The following PTPRM variants were observed in gnomAD, a reference collection of about 807,000 sequenced individuals.
PTPRM encodes the protein protein tyrosine phosphatase receptor type M, also known as receptor-type tyrosine-protein phosphatase mu.
In PTPRM, 47 loss-of-function variants were observed where a neutral mutation model predicts 186.7. That is an observed-to-expected ratio of 0.25 (90% CI 0.20 to 0.32). The LOEUF (loss-of-function observed/expected upper bound fraction) is 0.32. Ranked by LOEUF, PTPRM falls within the 10% of genes least tolerant of loss-of-function variation. PTPRM has a pLI of 1.00. For missense variants in PTPRM, 1,494 were observed against 1,865.0 expected, an observed-to-expected ratio of 0.80 and a Z score of 3.66; for synonymous variants, 668 against 674.9, an observed-to-expected ratio of 0.99 and a Z score of 0.16.
At chr18:8,338,687 C>G (rs1035978280) in intron 22 of PTPRM, among the ~76,000 whole-genome samples, 2 of 152,120 alleles carry the variant, frequency 1.3e-5, no homozygotes, top group African/African-American at 4.8e-5. Flanking sequence ...AAATTTAATG[C>G]AATAGTACAT....
chr18:7,611,298 G>C (rs1251064546), intron 1 of PTPRM, among the ~76,000 whole-genome samples: 1 of 152,136 alleles, frequency 6.6e-6, no homozygotes, highest in African/African-American at 2.4e-5. Context: ...TAGCCTAAGT[G>C]CACAGTGTTT....
At chr18:8,399,352 G>A (rs749018136) in intron 32 of PTPRM, among the ~76,000 whole-genome samples, 56 of 152,298 alleles carry the variant, frequency 3.7e-4, no homozygotes, top group East Asian at 1.5e-3. Flanking sequence ...GGATGGCGAC[G>A]TAGCACCTAG....
intron 14 of PTPRM, among the ~76,000 whole-genome samples, chr18:8,229,524 T>G (rs1235543811): frequency 6.6e-6 from 1 of 152,172 alleles, no homozygotes; most frequent in African/African-American, 2.4e-5. Flanking sequence ...GGATATTGGG[T>G]GTATTTTTTA....
intron 14 of PTPRM, among the ~76,000 whole-genome samples, chr18:8,204,578 AG>A (rs2093900795): frequency 6.6e-6 from 1 of 152,086 alleles, no homozygotes; most frequent in Admixed American, 6.5e-5. Flanking sequence ...AGATGACCCA[AG>A]CTTGACAGCT....
intron 2 of PTPRM, among the ~76,000 whole-genome samples, chr18:7,856,067 C>T (rs1181524042): frequency 3.9e-5 from 6 of 151,918 alleles, no homozygotes; most frequent in African/African-American, 1.4e-4. Context: ...CCAACAAGGA[C>T]TAGACTTTTT....
At chr18:7,852,319 G>A (rs2046900544) in intron 2 of PTPRM, among the ~76,000 whole-genome samples, 1 of 152,156 alleles carries the variant, frequency 6.6e-6, no homozygotes, top group African/African-American at 2.4e-5. Flanking sequence ...GCTCATACTT[G>A]TAATTCCAGT....
In PTPRM at chr18:8,336,551, C is replaced by CA. The variant is rs1409482408; in HGVS notation, c.2957-6864dup. Among the ~76,000 whole-genome samples, 49 of 113,892 alleles carry CA rather than the reference C, an allele frequency of 4.3e-4. 1 individual carries two copies. The highest frequency in any genetic ancestry group is 4.2e-3 in the Admixed American group (42 of 9,990). The allele number at this position is 113,892 out of a possible 152,430, so 74.7% of individuals were successfully genotyped here. On this transcript the variant is annotated intron_variant, in intron 22 of 32. Coordinates refer to ENST00000580170, the MANE Select transcript of PTPRM (RefSeq NM_001105244.2). ...TGGGCGACAGAGCTAGACTCTGTCT[C>CA]AAAAAAAAGAAAGAAAGAGAGACAG...
Position 7,850,421 on chromosome 18 carries a change from C to T in PTPRM, c.197-37685C>T, listed in dbSNP as rs148119262. On this transcript the variant is annotated intron_variant, in intron 2 of 32. Coordinates refer to ENST00000580170, the MANE Select transcript of PTPRM (RefSeq NM_001105244.2). ...TACAAGATAGCAAGAATTTGTGGGG[C>T]CAATATTCCAGGGAGAAGGTAACCC... is the stretch of plus-strand genomic sequence containing the variant. Among the ~76,000 whole-genome samples the T allele has an allele frequency of 1.2e-3, 176 of 152,194 alleles. 1 individual carries two copies. The highest frequency in any genetic ancestry group is 4.1e-3 in the African/African-American group (169 of 41,510).
intron 21 of PTPRM, 59 bp downstream of exon 21, chr18:8,314,916 TATG>T (rs2095297395): frequency 2.6e-6 from 3 of 1,164,460 alleles, no homozygotes; most frequent in South Asian, 2.8e-5. Flanking sequence ...GGGTGCTATG[TATG>T]ATATTTTGAT....
At chr18:8,403,941 A>G (rs921834255) in intron 32 of PTPRM, 6 of 152,230 alleles carry the variant, frequency 3.9e-5, no homozygotes, top group African/African-American at 1.4e-4. Flanking sequence ...CTTTATGGCT[A>G]TACTACATTT....
At chr18:7,694,379 G>A (rs1292088156) in intron 1 of PTPRM, among the ~76,000 whole-genome samples, 1 of 151,606 alleles carries the variant, frequency 6.6e-6, no homozygotes, top group African/African-American at 2.4e-5. Flanking sequence ...ATTTGATTAG[G>A]TGTAGACAGT....
intron 7 of PTPRM, among the ~76,000 whole-genome samples, chr18:8,001,922 C>T (rs1466791790): frequency 1.3e-5 from 2 of 152,214 alleles, no homozygotes; most frequent in African/African-American, 4.8e-5. Context: ...TCAGCACCTG[C>T]TGTGTGTCAT....
intron 22 of PTPRM, among the ~76,000 whole-genome samples, chr18:8,335,657 A>T (rs913903882): frequency 9.2e-5 from 14 of 152,226 alleles, no homozygotes; most frequent in African/African-American, 3.4e-4. Context: ...AAGAAAACTC[A>T]TGAAACTTTC....
At chr18:7,988,241 C>A (rs1302753920) in intron 7 of PTPRM, among the ~76,000 whole-genome samples, 1 of 151,652 alleles carries the variant, frequency 6.6e-6, no homozygotes. Context: ...ACCAAACAAA[C>A]AAAAAAGAAA....
chr18:8,022,138 C>A (rs2085275038), intron 7 of PTPRM, among the ~76,000 whole-genome samples: 1 of 152,150 alleles, frequency 6.6e-6, no homozygotes, highest in Non-Finnish European at 1.5e-5. Context: ...CTGCCCCTCA[C>A]CCCCATGTCT....
At chr18:8,223,575 G>T (rs942560649) in intron 14 of PTPRM, among the ~76,000 whole-genome samples, 1 of 152,242 alleles carries the variant, frequency 6.6e-6, no homozygotes, top group Non-Finnish European at 1.5e-5. Flanking sequence ...AGACCCATCC[G>T]CAGTGCAGCA....
intron 2 of PTPRM, among the ~76,000 whole-genome samples, chr18:7,858,883 A>T (rs1325510591): frequency 6.6e-6 from 1 of 152,226 alleles, no homozygotes; most frequent in Non-Finnish European, 1.5e-5. Context: ...CTGATATCCC[A>T]GTGGACGATT....
chr18:7,718,610 G>A (rs139544299), intron 1 of PTPRM, among the ~76,000 whole-genome samples: 37 of 152,212 alleles, frequency 2.4e-4, no homozygotes, highest in Non-Finnish European at 4.6e-4. Flanking sequence ...GAAATAATTA[G>A]CAGAGTAAAC....
chr18:8,401,201 C>T, intron 32 of PTPRM, among the ~76,000 whole-genome samples: 1 of 152,162 alleles, frequency 6.6e-6, no homozygotes, highest in East Asian at 1.9e-4. Context: ...CTTTGCTGCC[C>T]TCTCCAACCT....
Sources: gnomAD v4.1 joint callset for allele counts (sites outside exome capture counted in the v4.1 genomes callset) on GRCh38, gnomAD v4.1.1 for gene constraint, MANE v1.5 for transcripts, NCBI Gene and HGNC (gene_info 2026-07-23, HGNC 2026-07-21) for gene names.